Variants in TSC22D1 observed in about 807,000 individuals in gnomAD.
TSC22D1 encodes TSC22 domain family protein 1.
TSC22D1 carries 9 observed loss-of-function variants against 74.2 expected under a neutral mutation model. The observed-to-expected ratio is 0.12, with a 90% confidence interval of 0.07 to 0.21. The LOEUF (loss-of-function observed/expected upper bound fraction) is 0.21. Among genes scored for constraint, TSC22D1 ranks in the 10% least tolerant of loss-of-function variants. The pLI, the probability that TSC22D1 is intolerant of heterozygous loss-of-function variation, is 1.00. For missense variants in TSC22D1, 1,427 were observed against 1,304.7 expected, an observed-to-expected ratio of 1.09 and a Z score of -1.44; for synonymous variants, 586 against 492.5, an observed-to-expected ratio of 1.19 and a Z score of -2.51.
At chr13:44,496,275 T>G (rs962344622) in intron 1 of TSC22D1, among the ~76,000 whole-genome samples, 8 of 152,140 alleles carry the variant, frequency 5.3e-5, no homozygotes, top group Non-Finnish European at 8.8e-5. Context: ...GAGGCCAGTG[T>G]AGTGGCTCAC....
intron 1 of TSC22D1, among the ~76,000 whole-genome samples, chr13:44,569,459 C>T (rs1229476688): frequency 6.6e-6 from 1 of 152,012 alleles, no homozygotes; most frequent in Non-Finnish European, 1.5e-5. Flanking sequence ...CCATTTATTT[C>T]TTGGAAAACC....
At chr13:44,437,404 T>C (rs1300897608) in intron 1 of TSC22D1, 2 of 302,968 alleles carry the variant, frequency 6.6e-6, no homozygotes, top group Non-Finnish European at 9.7e-6. Flanking sequence ...TGCAATCATG[T>C]ATTTTTTTAA....
intron 1 of TSC22D1, among the ~76,000 whole-genome samples, chr13:44,554,652 A>G (rs1167035064): frequency 6.7e-6 from 1 of 148,662 alleles, no homozygotes; most frequent in Non-Finnish European, 1.5e-5. Flanking sequence ...AAAAAAAAAA[A>G]AAGAGGTACT....
rs1464592924 is a variant in TSC22D1, at chr13:44,474,810, A to G, written c.2913-38715T>C. Among the ~76,000 whole-genome samples the G allele has an allele frequency of 2.6e-5, 4 of 152,136 alleles. No homozygotes were observed. The East Asian group carries it at 7.7e-4, about 29-fold the overall frequency. On this transcript the variant is annotated intron_variant, in intron 1 of 2. Transcript: ENST00000458659. Reference sequence around the variant, plus strand: ...AGGAAAGGGAAGAAAAACTAACCAGACAAGTAAACCAAAACCCAGGCAAGC... The same window carrying G: ...AGGAAAGGGAAGAAAAACTAACCAGGCAAGTAAACCAAAACCCAGGCAAGC...
rs201690330 is a variant in TSC22D1, at chr13:44,468,375, AT to A, written c.2913-32281del. Among the ~76,000 whole-genome samples the A allele has an allele frequency of 2.4e-4, 31 of 131,530 alleles. 2 individuals carry two copies. The highest frequency in any genetic ancestry group is 6.2e-4 in the Admixed American group (8 of 12,936). 86.3% of individuals were successfully genotyped at this position (131,530 alleles called of 152,430 possible). A position where few individuals can be genotyped will look rare whatever the true frequency, so the allele number is the denominator to read the frequency against. On this transcript the variant is annotated intron_variant, in intron 1 of 2. Coordinates refer to ENST00000458659, the MANE Select transcript of TSC22D1 (RefSeq NM_183422.4). Reference sequence around the variant, plus strand: ...CCACTTGTACCCCTAAAGCTATTGAATTTTTTTTTTAAAAAAGCTGCTACCA... The same window carrying A: ...CCACTTGTACCCCTAAAGCTATTGAATTTTTTTTTAAAAAAGCTGCTACCA...
chr13:44,539,018 T>C, intron 1 of TSC22D1: 1 of 985,388 alleles, frequency 1.0e-6, no homozygotes, highest in Non-Finnish European at 1.2e-6. Flanking sequence ...TTGTAGGTGA[T>C]AAGAACTTCC....
At chr13:44,439,599 G>C (rs1013274531) in intron 1 of TSC22D1, among the ~76,000 whole-genome samples, 1 of 152,228 alleles carries the variant, frequency 6.6e-6, no homozygotes, top group Non-Finnish European at 1.5e-5. Flanking sequence ...AAGGCTTCCA[G>C]GAGAGATCCT....
intron 2 of TSC22D1, chr13:44,435,172 C>T (rs917155442): frequency 1.0e-5 from 3 of 296,912 alleles, no homozygotes; most frequent in Admixed American, 1.0e-4. Flanking sequence ...GCTGGGTCCC[C>T]GACTGAGACC....
At position 44,463,528 on chromosome 13, in the gene TSC22D1, A is replaced by G. The variant is rs1212776675; in HGVS notation, c.2913-27433T>C. On this transcript the variant is annotated intron_variant, in intron 1 of 2. Transcript: ENST00000458659. ...CTCAGAGGTGGGTCAATGCAAATAAAATCAGATTCACTGTTGAATTTCATT... is the reference window on the plus strand; with the variant it reads ...CTCAGAGGTGGGTCAATGCAAATAAGATCAGATTCACTGTTGAATTTCATT... Among the ~76,000 whole-genome samples the G allele has an allele frequency of 2.6e-5, 4 of 152,224 alleles. No individual in the cohort carries two copies. In the East Asian group the frequency reaches 7.7e-4, roughly 29 times the overall value.
At chr13:44,500,851 A>G (rs190861188) in intron 1 of TSC22D1, among the ~76,000 whole-genome samples, 15 of 152,108 alleles carry the variant, frequency 9.9e-5, no homozygotes, top group Admixed American at 9.8e-4. Context: ...TGCCTGGCTA[A>G]TTTTTTTATT....
At chr13:44,542,762 T>C (rs569808168) in intron 1 of TSC22D1, among the ~76,000 whole-genome samples, 2 of 152,250 alleles carry the variant, frequency 1.3e-5, no homozygotes, top group Admixed American at 1.3e-4. Context: ...TTTGATAATG[T>C]ATCATTTATA....
intron 1 of TSC22D1, among the ~76,000 whole-genome samples, chr13:44,557,210 C>T (rs1342132445): frequency 6.6e-6 from 1 of 151,950 alleles, no homozygotes; most frequent in Non-Finnish European, 1.5e-5. Flanking sequence ...CACCTGTAAT[C>T]CCAGCACTTT....
chr13:44,565,287 A>C (rs2138214410), intron 1 of TSC22D1, among the ~76,000 whole-genome samples: 1 of 152,090 alleles, frequency 6.6e-6, no homozygotes, highest in Non-Finnish European at 1.5e-5. Flanking sequence ...CCTGAAAGAC[A>C]GACTGAAAAG....
chr13:44,532,834 G>A (rs1481824095), intron 1 of TSC22D1, among the ~76,000 whole-genome samples: 1 of 152,018 alleles, frequency 6.6e-6, no homozygotes. Context: ...AAGAATATGG[G>A]GATACTTAAT....
At position 44,575,353 on chromosome 13, in the gene TSC22D1, T is replaced by C. The variant is rs778023647; in HGVS notation, c.722A>G (p.His241Arg). The C allele has an allele frequency of 1.9e-6, 3 of 1,612,692 alleles. No homozygotes were observed. The South Asian group carries it at 3.3e-5, about 18-fold the overall frequency. Residue 241 changes from histidine (H) to arginine (R), a missense_variant, in exon 1 of 3, where the codon CAT (histidine) becomes CGT (arginine). By Grantham distance (29) the His-to-Arg change is conservative. Coordinates refer to ENST00000458659, the MANE Select transcript of TSC22D1 (RefSeq NM_183422.4). The part of the protein sequence containing the change: ...HLQHGHHHPS[H>R]VAVASASITG... ...AATGGATGCACTGGCCACAGCAACA[T>C]GAGATGGATGGTGGTGACCATGTTG...
chr13:44,481,693 A>G (rs1392713060), intron 1 of TSC22D1, among the ~76,000 whole-genome samples: 2 of 152,226 alleles, frequency 1.3e-5, no homozygotes, highest in East Asian at 3.9e-4. Flanking sequence ...GTCGTGGTCC[A>G]TGATGCTGGC....
At chr13:44,438,851 T>C (rs948915256) in intron 1 of TSC22D1, among the ~76,000 whole-genome samples, 2 of 152,164 alleles carry the variant, frequency 1.3e-5, no homozygotes, top group African/African-American at 4.8e-5. Context: ...GTTAAAGTTA[T>C]ACCTAAAACT....
At chr13:44,460,774 A>G (rs1394143130) in intron 1 of TSC22D1, among the ~76,000 whole-genome samples, 2 of 152,126 alleles carry the variant, frequency 1.3e-5, no homozygotes, top group African/African-American at 4.8e-5. Context: ...TTTCTTTCCC[A>G]CCACAGCTCC....
rs1874248243 is a variant in TSC22D1 at position 44,433,679 on chromosome 13, GT to G, written c.*946del. 5.4e-6 allele frequency: 2 copies of G among 373,762 alleles called. No homozygotes were observed. The highest frequency in any genetic ancestry group is 1.3e-4 in the East Asian group (2 of 15,864). 23.2% of individuals were successfully genotyped at this position (373,762 alleles called of 1,614,324 possible). A position where few individuals can be genotyped will look rare whatever the true frequency, so the allele number is the denominator to read the frequency against. ...CCCTACTGGGAAATCCATTTCATTAGTTAGAACTGAGCATTTTTCAAAGTAT... is the reference window on the plus strand; with the variant it reads ...CCCTACTGGGAAATCCATTTCATTAGTAGAACTGAGCATTTTTCAAAGTAT... On this transcript the variant is annotated 3_prime_UTR_variant, in exon 3 of 3. Coordinates refer to ENST00000458659, the MANE Select transcript of TSC22D1 (RefSeq NM_183422.4).
Sources: allele counts gnomAD v4.1 joint callset (sites outside exome capture counted in the v4.1 genomes callset), GRCh38; gene constraint gnomAD v4.1.1; transcripts MANE v1.5; gene names NCBI Gene and HGNC (gene_info 2026-07-23, HGNC 2026-07-21).